Variants in ADGRA2 observed in about 807,000 individuals in gnomAD.
ADGRA2 encodes G-protein coupled receptor 124.
A neutral mutation model predicts 98.7 loss-of-function variants in ADGRA2; 61 were observed. That is an observed-to-expected ratio of 0.62 (90% CI 0.50 to 0.76). The LOEUF (loss-of-function observed/expected upper bound fraction) is 0.76, where lower values mean the gene tolerates loss of function less well. ADGRA2 is among the 30% of genes least tolerant of loss of function. The pLI is 0.00. For synonymous variants in ADGRA2, 858 were observed against 831.5 expected (o/e 1.03, Z -0.55); for missense variants, 1,712 against 1,860.0 (o/e 0.92, Z 1.46).
intron 14 of ADGRA2, 149 bp downstream of exon 14, chr8:37,838,088 G>A: frequency 1.4e-6 from 1 of 692,200 alleles, no homozygotes; most frequent in African/African-American, 1.8e-5. Flanking sequence ...TGGGATGTGG[G>A]GAAATGGCCC....
intron 2 of ADGRA2, among the ~76,000 whole-genome samples, chr8:37,826,801 C>A (rs539038845): frequency 6.6e-6 from 1 of 152,258 alleles, no homozygotes; most frequent in Non-Finnish European, 1.5e-5. Flanking sequence ...TTGTGGTGGG[C>A]AGGGCCAAGA....
At chr8:37,837,678 C>T in intron 13 of ADGRA2, 53 bp from the exon 14 acceptor site, 1 of 1,456,442 alleles carries the variant, frequency 6.9e-7, no homozygotes, top group Admixed American at 2.0e-5. Flanking sequence ...CGGCTGAGCC[C>T]ACCTCCCTGA....
chr8:37,844,226 C>A lies in ADGRA2; in HGVS notation c.*1871C>A. 2.1e-6 allele frequency: 1 copy of A among 482,752 alleles called. No individual in the cohort carries two copies. The highest frequency in any genetic ancestry group is 1.9e-5 in the African/African-American group (1 of 52,264). 29.9% of individuals were successfully genotyped at this position (482,752 alleles called of 1,614,324 possible). On this transcript the variant is annotated 3_prime_UTR_variant, in exon 19 of 19. Transcript: ENST00000412232. ...AAGAGCCTGACATTTTCCCATCCAT[C>A]TATGAGGAAAGCCATCTCACAGAAC...
In ADGRA2 at chr8:37,834,728, CA is replaced by C. The variant is rs1339489111; in HGVS notation, c.1609-440del. Among the ~76,000 whole-genome samples, 1 of 151,962 alleles carries C rather than the reference CA, an allele frequency of 6.6e-6. No individual in the cohort carries two copies. Among genetic ancestry groups the C allele is most frequent in the African/African-American group, 2.4e-5 (1 of 41,370 alleles). On this transcript the variant is annotated intron_variant, in intron 11 of 18. Transcript: ENST00000412232. This position sits in a 1 kb window ranked among gnomAD's most constrained non-coding sequence, Gnocchi z 4.2. ...GGGCAACAGAGAGACCTGGTCTCCA[CA>C]AAAAATACAAAAATTACCCAGGAGT...
chr8:37,842,177 T>C lies in ADGRA2; in HGVS notation c.3839T>C (p.Leu1280Pro), dbSNP rs892295617. Residue 1280 changes from leucine to proline, a missense_variant, in exon 19 of 19, where the codon CTC (leucine) becomes CCC (proline). By Grantham distance (98) the Leu-to-Pro change is moderately conservative (BLOSUM62 -3). Transcript: ENST00000412232. Reference sequence around the variant, plus strand: ...CGCCGCAGCGCCAGCCGCGACAGTCTCAAGGGCGGCGGCGCGCTGGAGAAG... The same window carrying C: ...CGCCGCAGCGCCAGCCGCGACAGTCCCAAGGGCGGCGGCGCGCTGGAGAAG... ...GQRRSASRDS[L>P]KGGGALEKES... 3 of 1,535,860 alleles carry C rather than the reference T, an allele frequency of 2.0e-6. No individual in the cohort carries two copies. The highest frequency in any genetic ancestry group is 2.6e-6 in the Non-Finnish European group (3 of 1,142,946).
intron 2 of ADGRA2, among the ~76,000 whole-genome samples, chr8:37,825,202 C>T (rs1805241318): frequency 6.6e-6 from 1 of 152,118 alleles, no homozygotes; most frequent in Non-Finnish European, 1.5e-5. Context: ...TCTAGCTTCA[C>T]CTGAGAAACG....
Position 37,844,470 on chromosome 8 carries a change from G to A in ADGRA2, c.*2115G>A. 1.2e-6 allele frequency: 2 copies of A among 1,607,970 alleles called. No homozygotes were observed. Among genetic ancestry groups the A allele is most frequent in the Non-Finnish European group, 1.7e-6 (2 of 1,176,856 alleles). ...TATCAAGCTGTCAGAACAGGATGAA[G>A]TGCTCCCAGTGGATATCCATCAGGG... On this transcript the variant is annotated 3_prime_UTR_variant, in exon 19 of 19. Coordinates refer to ENST00000412232, the MANE Select transcript of ADGRA2 (RefSeq NM_032777.10).
At chr8:37,837,304 C>T (rs988975537) in intron 13 of ADGRA2, among the ~76,000 whole-genome samples, 1 of 152,250 alleles carries the variant, frequency 6.6e-6, no homozygotes, top group Admixed American at 6.5e-5. Flanking sequence ...GGGCCTGCTC[C>T]GGGAGCCCCT....
intron 2 of ADGRA2, among the ~76,000 whole-genome samples, chr8:37,818,172 A>T (rs1270089802): frequency 6.6e-6 from 1 of 152,158 alleles, no homozygotes; most frequent in African/African-American, 2.4e-5. Flanking sequence ...ATGTCCTTCC[A>T]GGGGTCTTTG....
At chr8:37,804,888 A>G (rs1030927799) in intron 1 of ADGRA2, among the ~76,000 whole-genome samples, 1 of 152,226 alleles carries the variant, frequency 6.6e-6, no homozygotes, top group Non-Finnish European at 1.5e-5. Context: ...CCCTGTACAT[A>G]AGCACTGCAT....
intron 11 of ADGRA2, 135 bp from the exon 12 acceptor site, chr8:37,835,039 G>T: frequency 1.6e-6 from 1 of 630,116 alleles, no homozygotes; most frequent in Non-Finnish European, 2.8e-6. Flanking sequence ...AAAAAAAAGA[G>T]AGAGAGGTGG....
Position 37,811,168 on chromosome 8 carries a change from G to GTTT in ADGRA2, c.267-3712_267-3710dup, listed in dbSNP as rs762992936. 2.6e-3 allele frequency among the ~76,000 whole-genome samples: 269 copies of GTTT among 101,700 alleles called. 7 individuals carry two copies. The highest frequency in any genetic ancestry group is 7.3e-3 in the African/African-American group (186 of 25,376). 66.7% of individuals were successfully genotyped at this position (101,700 alleles called of 152,430 possible). ...ACTTTTATACTGTGTGTGTGTGTGT[G>GTTT]TTTTTTTTTTTTTTTTTTGAGACGG... On this transcript the variant is annotated intron_variant, in intron 1 of 18. Coordinates refer to ENST00000412232, the MANE Select transcript of ADGRA2 (RefSeq NM_032777.10).
chr8:37,840,930 G>C, intron 18 of ADGRA2, 81 bp downstream of exon 18: 1 of 935,274 alleles, frequency 1.1e-6, no homozygotes, highest in Non-Finnish European at 1.6e-6. Context: ...CCATCTGCCA[G>C]GTCCACCCAG....
At chr8:37,839,174 C>T in intron 15 of ADGRA2, 91 bp downstream of exon 15, 2 of 1,515,226 alleles carry the variant, frequency 1.3e-6, no homozygotes, top group Admixed American at 3.4e-5. Context: ...CCGGTACATA[C>T]TTTCAATTCC....
intron 1 of ADGRA2, among the ~76,000 whole-genome samples, chr8:37,804,384 G>T (rs2129904993): frequency 6.6e-6 from 1 of 152,280 alleles, no homozygotes; most frequent in South Asian, 2.1e-4. Context: ...CAGGCAGCAG[G>T]GGCCCTGGAG....
rs551836382 is a variant in ADGRA2, at chr8:37,799,035, C to T, written c.266+1501C>T. Among the ~76,000 whole-genome samples, 21 of 152,310 alleles carry T rather than the reference C, an allele frequency of 1.4e-4. No homozygotes were observed. The East Asian group carries it at 4.1e-3, about 29-fold the overall frequency. On this transcript the variant is annotated intron_variant, in intron 1 of 18. Transcript: ENST00000412232. ...TAGTTCTGGAGGAGAAAAATGCTTGCTCTGCGGAACAGTCGGTAGCGTCTG... is the reference window on the plus strand; with the variant it reads ...TAGTTCTGGAGGAGAAAAATGCTTGTTCTGCGGAACAGTCGGTAGCGTCTG...
At chr8:37,798,094 C>A (rs1330889536) in intron 1 of ADGRA2, among the ~76,000 whole-genome samples, 3 of 152,140 alleles carry the variant, frequency 2.0e-5, no homozygotes, top group African/African-American at 7.2e-5. Flanking sequence ...GGAGGCTGGG[C>A]TCAGAAAAGT....
chr8:37,843,148 C>G lies in ADGRA2; in HGVS notation c.*793C>G, dbSNP rs1223875760. 1 of 152,336 alleles carries G rather than the reference C, an allele frequency of 6.6e-6. No individual in the cohort carries two copies. Among genetic ancestry groups the G allele is most frequent in the Non-Finnish European group, 1.5e-5 (1 of 68,120 alleles). 9.4% of individuals were successfully genotyped at this position (152,336 alleles called of 1,614,324 possible). A position where few individuals can be genotyped will look rare whatever the true frequency, so the allele number is the denominator to read the frequency against. ...GAGTAGAGGGAGAGGGCAGGTGGAA[C>G]TGGGGCAGAATCTAGTCATGCCCTA... On this transcript the variant is annotated 3_prime_UTR_variant, in exon 19 of 19. Transcript: ENST00000412232.
chr8:37,830,976 C>T lies in ADGRA2; in HGVS notation c.932+53C>T, dbSNP rs955170412. The T allele has an allele frequency of 2.2e-6, 3 of 1,355,180 alleles. No individual in the cohort carries two copies. Among genetic ancestry groups the T allele is most frequent in the African/African-American group, 2.9e-5 (2 of 69,512 alleles). 83.9% of individuals were successfully genotyped at this position (1,355,180 alleles called of 1,614,324 possible). A position where few individuals can be genotyped will look rare whatever the true frequency, so the allele number is the denominator to read the frequency against. ...CCTCAGCATGGGGTTAGGGGACCTA[C>T]CCTACCCGTCACCACCCCGCAAAAG... On this transcript the variant is annotated intron_variant, in intron 7 of 18. Transcript: ENST00000412232. This position sits in a 1 kb window ranked among gnomAD's most constrained non-coding sequence, Gnocchi z 4.8.
Sources: gnomAD v4.1 joint callset for allele counts (sites outside exome capture counted in the v4.1 genomes callset) on GRCh38, gnomAD v4.1.1 for gene constraint, Gnocchi (gnomAD v3.1) non-coding constraint, MANE v1.5 for transcripts, NCBI Gene and HGNC (gene_info 2026-07-23, HGNC 2026-07-21) for gene names.